AGBL4: variants seen among roughly 807,000 people sequenced by gnomAD.
The protein encoded by AGBL4 is AGBL carboxypeptidase 4, also known as cytosolic carboxypeptidase 6.
A neutral mutation model predicts 66.4 loss-of-function variants in AGBL4; 58 were observed. The observed-to-expected ratio is 0.87, with a 90% CI of 0.71 to 1.09. AGBL4 has a LOEUF of 1.09. Ranked by LOEUF, AGBL4 falls within the 50% of genes least tolerant of loss-of-function variation. AGBL4 has a pLI of 0.00. For missense variants in AGBL4, 579 were observed against 631.0 expected, an observed-to-expected ratio of 0.92 and a Z score of 0.88; for synonymous variants, 234 against 222.9, an observed-to-expected ratio of 1.05 and a Z score of -0.44.
intron 4 of AGBL4, among the ~76,000 whole-genome samples, chr1:49,157,411 C>T (rs1646454648): frequency 6.6e-6 from 1 of 152,154 alleles, no homozygotes; most frequent in Non-Finnish European, 1.5e-5. Flanking sequence ...AGGACATGAC[C>T]TCATCCTTTT....
At chr1:49,701,556 A>G (rs1647094203) in intron 2 of AGBL4, among the ~76,000 whole-genome samples, 1 of 152,102 alleles carries the variant, frequency 6.6e-6, no homozygotes, top group Admixed American at 6.6e-5. Context: ...AGTGATTTAA[A>G]GAAAAAATAA....
intron 1 of AGBL4, among the ~76,000 whole-genome samples, chr1:49,947,013 T>G (rs1485905663): frequency 6.6e-6 from 1 of 151,628 alleles, no homozygotes; most frequent in Non-Finnish European, 1.5e-5. Flanking sequence ...CACGAAGAAT[T>G]AGACACCCTG....
chr1:48,592,237 G>A (rs1644929374), intron 9 of AGBL4, among the ~76,000 whole-genome samples: 1 of 152,172 alleles, frequency 6.6e-6, no homozygotes, highest in African/African-American at 2.4e-5. Flanking sequence ...ACTAGAAACA[G>A]CCAAGGCAAA....
chr1:49,488,042 T>G (rs1233384789), intron 3 of AGBL4, among the ~76,000 whole-genome samples: 1 of 151,998 alleles, frequency 6.6e-6, no homozygotes, highest in African/African-American at 2.4e-5. Flanking sequence ...GAATTGTTAT[T>G]TTCAAATATC....
chr1:49,393,584 G>C (rs1010712056), intron 3 of AGBL4, among the ~76,000 whole-genome samples: 1 of 152,218 alleles, frequency 6.6e-6, no homozygotes, highest in Non-Finnish European at 1.5e-5. Context: ...AGGGCTATTA[G>C]AGAGGTATGA....
At position 48,750,273 on chromosome 1, in the gene AGBL4, G is replaced by A. The variant is rs375562120; in HGVS notation, c.635-87032C>T. On this transcript the variant is annotated intron_variant, in intron 6 of 13. Coordinates refer to ENST00000371839, the MANE Select transcript of AGBL4 (RefSeq NM_032785.4). ...CATGAACCACCTGTAGGAGGGGCTG[G>A]GGTAGTTCTGCTTGCTCTCATCTAT... is the stretch of plus-strand genomic sequence containing the variant. Among the ~76,000 whole-genome samples, 7 of 152,216 alleles carry A rather than the reference G, an allele frequency of 4.6e-5. No homozygotes were observed. In the East Asian group the frequency reaches 1.4e-3, roughly 29 times the overall value.
At chr1:49,007,681 G>C (rs1421651935) in intron 5 of AGBL4, among the ~76,000 whole-genome samples, 1 of 151,342 alleles carries the variant, frequency 6.6e-6, no homozygotes. Context: ...TGGATCTCTC[G>C]GCAGAAACCC....
intron 1 of AGBL4, among the ~76,000 whole-genome samples, chr1:49,977,209 C>T (rs879820623): frequency 1.5e-4 from 22 of 151,718 alleles, no homozygotes; most frequent in Non-Finnish European, 2.4e-4. Context: ...TCCCAAATTC[C>T]ATGAGCTTCA....
At chr1:49,313,205 C>T (rs1461103553) in intron 3 of AGBL4, among the ~76,000 whole-genome samples, 2 of 152,072 alleles carry the variant, frequency 1.3e-5, no homozygotes, top group African/African-American at 4.8e-5. Context: ...GACAAAAACT[C>T]ATCCCTTTTT....
At chr1:48,896,186 C>A (rs1651489425) in intron 5 of AGBL4, among the ~76,000 whole-genome samples, 1 of 152,186 alleles carries the variant, frequency 6.6e-6, no homozygotes, top group South Asian at 2.1e-4. Context: ...CCCTCTAAAT[C>A]ATATTCCACA....
At chr1:49,471,489 G>A (rs186811252) in intron 3 of AGBL4, among the ~76,000 whole-genome samples, 81 of 151,858 alleles carry the variant, frequency 5.3e-4, no homozygotes, top group African/African-American at 1.9e-3. Flanking sequence ...ACACAACAAC[G>A]AACATAATAA....
At chr1:48,679,261 C>T (rs962658063) in intron 6 of AGBL4, among the ~76,000 whole-genome samples, 1 of 152,216 alleles carries the variant, frequency 6.6e-6, no homozygotes, top group African/African-American at 2.4e-5. Flanking sequence ...TTTGAGTTGT[C>T]TTGGCAATAG....
intron 9 of AGBL4, among the ~76,000 whole-genome samples, chr1:48,601,456 GAAGA>G (rs574708942): frequency 6.6e-5 from 10 of 152,304 alleles, no homozygotes; most frequent in African/African-American, 2.4e-4. Flanking sequence ...ACCTTGTGAA[GAAGA>G]AAGACATTTT....
chr1:49,476,713 A>G (rs557052263), intron 3 of AGBL4, among the ~76,000 whole-genome samples: 2 of 152,066 alleles, frequency 1.3e-5, no homozygotes, highest in Non-Finnish European at 2.9e-5. Context: ...TTTATGTAAT[A>G]TAAGAATAGT....
intron 2 of AGBL4, among the ~76,000 whole-genome samples, chr1:49,772,289 G>A (rs1253393313): frequency 6.6e-6 from 1 of 151,964 alleles, no homozygotes; most frequent in African/African-American, 2.4e-5. Context: ...TTGTATTTTG[G>A]TTAATTTATA....
intron 1 of AGBL4, among the ~76,000 whole-genome samples, chr1:49,910,752 G>A (rs551640307): frequency 6.6e-6 from 1 of 152,258 alleles, no homozygotes; most frequent in Non-Finnish European, 1.5e-5. Context: ...GAGGCGGGCA[G>A]ATTGCCTGAG....
At chr1:49,716,260 G>T (rs1032483284) in intron 2 of AGBL4, among the ~76,000 whole-genome samples, 3 of 152,112 alleles carry the variant, frequency 2.0e-5, no homozygotes, top group African/African-American at 7.2e-5. Context: ...TCAGATGGTT[G>T]TAGATGTGTG....
chr1:48,745,128 G>A (rs1213967449), intron 6 of AGBL4, among the ~76,000 whole-genome samples: 1 of 152,200 alleles, frequency 6.6e-6, no homozygotes, highest in African/African-American at 2.4e-5. Context: ...GGAGCGTAGG[G>A]AAGCGCCTGG....
intron 2 of AGBL4, among the ~76,000 whole-genome samples, chr1:49,702,525 A>G (rs930379639): frequency 6.6e-6 from 1 of 152,034 alleles, no homozygotes; most frequent in Non-Finnish European, 1.5e-5. Context: ...ATTCTTCACA[A>G]ACTCTTGCCA....
Sources: allele counts gnomAD v4.1 joint callset (sites outside exome capture counted in the v4.1 genomes callset), GRCh38; gene constraint gnomAD v4.1.1; transcripts MANE v1.5; gene names NCBI Gene and HGNC (gene_info 2026-07-23, HGNC 2026-07-21).